The following MACROD2 variants were observed in gnomAD, a reference collection of about 807,000 sequenced individuals.
MACROD2 encodes ADP-ribose glycohydrolase MACROD2.
Under a neutral mutation model 70.4 loss-of-function variants are expected in MACROD2, and 36 were observed. The ratio of observed to expected loss-of-function variants is 0.51; its 90% CI spans 0.39 to 0.68. MACROD2 has a LOEUF of 0.68. MACROD2 is among the 30% of genes least tolerant of loss of function. MACROD2 has a pLI of 0.00. For missense variants in MACROD2, 496 were observed against 538.4 expected (o/e 0.92, Z 0.78); for synonymous variants, 172 against 178.8 (o/e 0.96, Z 0.30).
chr20:15,664,345 T>C (rs1174285490), intron 8 of MACROD2, among the ~76,000 whole-genome samples: 1 of 152,086 alleles, frequency 6.6e-6, no homozygotes, highest in Non-Finnish European at 1.5e-5. Flanking sequence ...GTGAGCAGAG[T>C]ACATATATTT....
chr20:14,817,389 C>T (rs572620200), intron 5 of MACROD2, among the ~76,000 whole-genome samples: 5 of 152,192 alleles, frequency 3.3e-5, no homozygotes, highest in East Asian at 3.9e-4. Flanking sequence ...ATACATGCGT[C>T]GTGTTGAAAA....
intron 4 of MACROD2, chr20:14,523,427 C>T (rs976331122): frequency 2.6e-5 from 4 of 152,206 alleles, no homozygotes; most frequent in African/African-American, 9.6e-5. Context: ...TCAGAGACCT[C>T]CAGCTTCTGT....
chr20:14,388,014 G>GTTTT (rs11474530), intron 3 of MACROD2, among the ~76,000 whole-genome samples: 5 of 142,448 alleles, frequency 3.5e-5, no homozygotes, highest in Admixed American at 7.0e-5. Context: ...ATGTAAGTAG[G>GTTTT]TTTTTTTTTT....
chr20:14,862,056 T>TATTTTTATATATATAAATATATAAAA (rs1555839570), intron 5 of MACROD2, among the ~76,000 whole-genome samples: 1 of 16,714 alleles, frequency 6.0e-5, no homozygotes, highest in African/African-American at 2.0e-4. Context: ...TATATTTATA[T>TATTTTTATATATATAAATATATAAAA]ATATATAAAT....
At chr20:14,796,746 A>G (rs980580056) in intron 5 of MACROD2, among the ~76,000 whole-genome samples, 1 of 152,084 alleles carries the variant, frequency 6.6e-6, no homozygotes, top group African/African-American at 2.4e-5. Context: ...TGATATGTAT[A>G]CATAGCTTTA....
intron 8 of MACROD2, among the ~76,000 whole-genome samples, chr20:15,567,202 C>T (rs1200971922): frequency 6.6e-6 from 1 of 151,542 alleles, no homozygotes; most frequent in African/African-American, 2.4e-5. Context: ...TGAACTTTCC[C>T]ATGAATAAGT....
At chr20:14,008,056 G>A (rs920394257) in intron 2 of MACROD2, among the ~76,000 whole-genome samples, 4 of 151,986 alleles carry the variant, frequency 2.6e-5, no homozygotes, top group Admixed American at 6.6e-5. Flanking sequence ...CCTTGAAAAC[G>A]AACACAAGAC....
intron 8 of MACROD2, among the ~76,000 whole-genome samples, chr20:15,817,461 A>G (rs1427207623): frequency 6.6e-6 from 1 of 152,214 alleles, no homozygotes; most frequent in East Asian, 1.9e-4. Context: ...TTTGCTAAAC[A>G]CGATACTTTC....
chr20:15,037,751 G>A (rs958119789), intron 5 of MACROD2, among the ~76,000 whole-genome samples: 3 of 151,602 alleles, frequency 2.0e-5, no homozygotes, highest in African/African-American at 7.3e-5. Context: ...TGTATTAGCT[G>A]TATGAACATG....
rs146113461 is a variant in MACROD2, at chr20:14,798,416, T to C, written c.418+113457T>C. On this transcript the variant is annotated intron_variant, in intron 5 of 17. Transcript: ENST00000684519. The stretch of plus-strand genomic sequence containing the variant: ...CACAGGTCTGGTTTGGGAAGATCAT[T>C]GCTTTTCTATTTGTAGCTGAAGTCT... Among the ~76,000 whole-genome samples the C allele has an allele frequency of 8.9e-4, 136 of 152,224 alleles. 1 individual carries two copies. The Middle Eastern group carries it at 0.017, about 19-fold the overall frequency.
chr20:14,187,224 T>C (rs532299339), intron 3 of MACROD2, among the ~76,000 whole-genome samples: 1 of 151,652 alleles, frequency 6.6e-6, no homozygotes, highest in South Asian at 2.1e-4. Context: ...ACAATGTAAA[T>C]TGACCATAAA....
intron 3 of MACROD2, among the ~76,000 whole-genome samples, chr20:14,462,159 A>C (rs1368372475): frequency 6.6e-6 from 1 of 151,998 alleles, no homozygotes; most frequent in African/African-American, 2.4e-5. Context: ...AACAGTGTAA[A>C]AGTGTTCCGA....
At chr20:15,856,859 C>T (rs77049786) in intron 8 of MACROD2, among the ~76,000 whole-genome samples, 2 of 152,098 alleles carry the variant, frequency 1.3e-5, no homozygotes, top group South Asian at 2.1e-4. Flanking sequence ...TAATTACAAG[C>T]GGGGATGGAA....
intron 8 of MACROD2, among the ~76,000 whole-genome samples, chr20:15,714,912 C>A (rs1175206435): frequency 6.6e-6 from 1 of 151,670 alleles, no homozygotes; most frequent in African/African-American, 2.4e-5. Context: ...GTTTAAAGTT[C>A]CCCAGTTTTT....
In MACROD2 at chr20:15,081,987, C is replaced by T. The variant is rs1391572858; in HGVS notation, c.419-147953C>T. On this transcript the variant is annotated intron_variant, in intron 5 of 17. Coordinates refer to ENST00000684519, the MANE Select transcript of MACROD2 (RefSeq NM_001351661.2). ...AGGAGGTATGAAAATGGATGTCATG[C>T]CTGGGAGGCGTGGACCAATTTATAG... Among the ~76,000 whole-genome samples, 6 of 152,214 alleles carry T rather than the reference C, an allele frequency of 3.9e-5. No individual in the cohort carries two copies. The East Asian group carries it at 1.2e-3, about 29-fold the overall frequency.
At chr20:14,051,902 AACCCTCC>A in intron 2 of MACROD2, 1 of 517,374 alleles carries the variant, frequency 1.9e-6, no homozygotes, top group Non-Finnish European at 3.9e-6. Flanking sequence ...TAAACTTCTG[AACCCTCC>A]ACCATCATTC....
chr20:14,298,493 G>A (rs1202956337), intron 3 of MACROD2, among the ~76,000 whole-genome samples: 4 of 151,116 alleles, frequency 2.6e-5, no homozygotes, highest in South Asian at 2.1e-4. Flanking sequence ...ACTTGAACCC[G>A]GGAGGCGGAG....
chr20:15,706,609 C>T (rs562544055), intron 8 of MACROD2, among the ~76,000 whole-genome samples: 5 of 152,246 alleles, frequency 3.3e-5, no homozygotes, highest in East Asian at 1.9e-4. Context: ...GAATTTTACA[C>T]GTCGTTAATT....
chr20:15,986,738 G>T lies in MACROD2; in HGVS notation c.997G>T (p.Asp333Tyr), dbSNP rs138761994. ...DQDHPDGQEN[D>Y]STKNEIKIET... Reference sequence around the variant, plus strand: ...ACTGTTTTGAACAGGACAAGAGAATGATTCAACGAAGAATGAAATAAAAAT... The same window carrying T: ...ACTGTTTTGAACAGGACAAGAGAATTATTCAACGAAGAATGAAATAAAAAT... Residue 333 changes from aspartate (D) to tyrosine (Y), a missense_variant, in exon 14 of 18, where the codon GAT becomes TAT. Physicochemically the swap from Asp to Tyr is radical, Grantham distance 160. Coordinates refer to ENST00000684519, the MANE Select transcript of MACROD2 (RefSeq NM_001351661.2). The T allele has an allele frequency of 5.8e-4, 931 of 1,613,020 alleles. 2 individuals carry two copies. Among genetic ancestry groups the T allele is most frequent in the Admixed American group, 7.2e-4 (43 of 60,000 alleles).
Sources: allele counts gnomAD v4.1 joint callset (sites outside exome capture counted in the v4.1 genomes callset), GRCh38; gene constraint gnomAD v4.1.1; transcripts MANE v1.5; gene names NCBI Gene and HGNC (gene_info 2026-07-23, HGNC 2026-07-21).